LYSMD2: variants seen among roughly 807,000 people sequenced by gnomAD.
LYSMD2 encodes lysM and putative peptidoglycan-binding domain-containing protein 2.
A neutral mutation model predicts 17.7 loss-of-function variants in LYSMD2; 6 were observed. The observed-to-expected ratio is 0.34, with a 90% CI of 0.19 to 0.67. LYSMD2 has a LOEUF of 0.67. LYSMD2 is among the 30% of genes least tolerant of loss of function. The pLI is 0.69. For synonymous variants in LYSMD2, 102 were observed against 129.8 expected (o/e 0.79, Z 1.45); for missense variants, 237 against 286.7 (o/e 0.83, Z 1.25).
intron 1 of LYSMD2, among the ~76,000 whole-genome samples, chr15:51,745,699 A>G (rs138502656): frequency 1.3e-3 from 202 of 152,296 alleles, no homozygotes; most frequent in Non-Finnish European, 1.3e-3. Context: ...TGCAAATCGC[A>G]TATCTAATAA....
chr15:51,736,623 C>A (rs1224823959), intron 1 of LYSMD2, among the ~76,000 whole-genome samples: 1 of 152,174 alleles, frequency 6.6e-6, no homozygotes. Context: ...CATCACATAG[C>A]TCACAGTTAA....
At chr15:51,742,459 C>T (rs2055647628), upstream of LYSMD2, among the ~76,000 whole-genome samples, 1 of 152,120 alleles carries the variant, frequency 6.6e-6, no homozygotes, top group South Asian at 2.1e-4. Context: ...CCTTTTGTGT[C>T]TGGCTTATTT....
intron 1 of LYSMD2, among the ~76,000 whole-genome samples, chr15:51,743,256 A>G (rs2055651970): frequency 5.9e-5 from 9 of 152,194 alleles, no homozygotes; most frequent in Admixed American, 4.6e-4. Flanking sequence ...GAGTACAAGC[A>G]AGCACCACTG....
upstream of LYSMD2, among the ~76,000 whole-genome samples, chr15:51,740,146 G>A (rs527590059): frequency 2.1e-4 from 32 of 152,138 alleles, no homozygotes; most frequent in African/African-American, 7.5e-4. Flanking sequence ...TTTAGTAGAG[G>A]TGGGGTTTCA....
chr15:51,736,925 G>C (rs1406775756), intron 1 of LYSMD2, among the ~76,000 whole-genome samples: 4 of 152,248 alleles, frequency 2.6e-5, no homozygotes, highest in Admixed American at 6.5e-5. Context: ...TGTTTTCACA[G>C]ACAACAAAAT....
intron 1 of LYSMD2, chr15:51,751,170 A>G (rs2055698642): frequency 3.0e-6 from 2 of 672,176 alleles, no homozygotes; most frequent in Non-Finnish European, 5.4e-6. Flanking sequence ...GCTAACTTCC[A>G]CCTCGCTTAC....
chr15:51,724,727 C>T (rs2055526123), intron 2 of LYSMD2, 63 bp downstream of exon 2: 1 of 1,016,894 alleles, frequency 9.8e-7, no homozygotes, highest in African/African-American at 1.7e-5. Context: ...AAGATTTGGC[C>T]CAGCAAGGAC....
At chr15:51,748,281 AAAAAAAAG>A in intron 1 of LYSMD2, among the ~76,000 whole-genome samples, 1 of 144,602 alleles carries the variant, frequency 6.9e-6, no homozygotes, top group Non-Finnish European at 1.5e-5. Context: ...AAAAAAAAAA[AAAAAAAAG>A]ATGAAGAAAA....
chr15:51,736,282 AG>A (rs961262651), intron 1 of LYSMD2, among the ~76,000 whole-genome samples: 1 of 152,188 alleles, frequency 6.6e-6, no homozygotes, highest in Non-Finnish European at 1.5e-5. Flanking sequence ...TAAGGCACAT[AG>A]AGAATTGTAG....
upstream of LYSMD2, among the ~76,000 whole-genome samples, chr15:51,741,613 A>T (rs148725647): frequency 1.5e-4 from 23 of 152,326 alleles, no homozygotes; most frequent in East Asian, 4.2e-3. Context: ...TTAAGCTTAC[A>T]ATTCAGTAAC....
chr15:51,740,287 A>T (rs28729142), upstream of LYSMD2, among the ~76,000 whole-genome samples: 249 of 151,976 alleles, frequency 1.6e-3, no homozygotes, highest in African/African-American at 4.4e-3. Flanking sequence ...TTTTGTTTTT[A>T]AAAAAAAGAA....
At chr15:51,743,318 C>T (rs2055652287) in intron 1 of LYSMD2, among the ~76,000 whole-genome samples, 2 of 152,172 alleles carry the variant, frequency 1.3e-5, no homozygotes, top group South Asian at 4.1e-4. Context: ...AGTATAAGGT[C>T]TGTGTTTAGA....
intron 1 of LYSMD2, among the ~76,000 whole-genome samples, chr15:51,736,838 A>T (rs1261284169): frequency 6.6e-6 from 1 of 152,216 alleles, no homozygotes; most frequent in Non-Finnish European, 1.5e-5. Context: ...TTTCACTTCT[A>T]CATAAAGAAG....
chr15:51,740,897 A>G (rs767555349), upstream of LYSMD2, among the ~76,000 whole-genome samples: 1 of 152,246 alleles, frequency 6.6e-6, no homozygotes, highest in Non-Finnish European at 1.5e-5. Context: ...TAAAAGAAAT[A>G]TAAATAAAAG....
chr15:51,739,620 A>G (rs1272163661), upstream of LYSMD2, among the ~76,000 whole-genome samples: 1 of 152,122 alleles, frequency 6.6e-6, no homozygotes, highest in Non-Finnish European at 1.5e-5. Context: ...AGTTTACTGC[A>G]TGGCTGGAAG....
chr15:51,751,077 G>C (rs1192126418), intron 1 of LYSMD2, among the ~76,000 whole-genome samples: 1 of 152,230 alleles, frequency 6.6e-6, no homozygotes, highest in Non-Finnish European at 1.5e-5. Flanking sequence ...GGCTCAGACA[G>C]GCTAAGTTGT....
At chr15:51,729,522 G>A (rs751648547) in intron 1 of LYSMD2, among the ~76,000 whole-genome samples, 25 of 152,274 alleles carry the variant, frequency 1.6e-4, no homozygotes, top group Non-Finnish European at 3.1e-4. Context: ...GCAGTGGCAC[G>A]ATCTCGGCTC....
chr15:51,730,525 T>A (rs1016552507), intron 1 of LYSMD2, among the ~76,000 whole-genome samples: 4 of 151,986 alleles, frequency 2.6e-5, no homozygotes, highest in African/African-American at 7.3e-5. Flanking sequence ...CAAAAAAAAT[T>A]TTTTTTAATA....
At chr15:51,738,989 T>C (rs2055630074), upstream of LYSMD2, among the ~76,000 whole-genome samples, 1 of 152,202 alleles carries the variant, frequency 6.6e-6, no homozygotes, top group South Asian at 2.1e-4. Flanking sequence ...GTTCCTACTT[T>C]CATACCTTGC....
Sources: gnomAD v4.1 joint callset for allele counts (sites outside exome capture counted in the v4.1 genomes callset) on GRCh38, gnomAD v4.1.1 for gene constraint, MANE v1.5 for transcripts, NCBI Gene and HGNC (gene_info 2026-07-23, HGNC 2026-07-21) for gene names.